The following PCDHA7 variants were observed in gnomAD, a reference collection of about 807,000 sequenced individuals.
The protein encoded by PCDHA7 is protocadherin alpha-7.
In PCDHA7, 37 loss-of-function variants were observed where a neutral mutation model predicts 57.2. The observed-to-expected ratio is 0.65, with a 90% confidence interval of 0.50 to 0.85. The LOEUF is 0.85. Ranked by LOEUF, PCDHA7 falls within the 40% of genes least tolerant of loss-of-function variation. The pLI is 0.00. For synonymous variants in PCDHA7, 553 were observed against 558.8 expected, an observed-to-expected ratio of 0.99 and a Z score of 0.15; for missense variants, 1,188 against 1,241.8, an observed-to-expected ratio of 0.96 and a Z score of 0.65.
Position 140,885,566 on chromosome 5 carries a change from G to A in PCDHA7, c.2355+48828G>A, listed in dbSNP as rs190303990. On this transcript the variant is annotated intron_variant, in intron 1 of 3. Transcript: ENST00000525929. The stretch of plus-strand genomic sequence containing the variant: ...TGGTGTTATTTCTACGAAATTGATT[G>A]TCAGATGTGGAATTGATGCATCAAA... Among the ~76,000 whole-genome samples, 467 of 152,160 alleles carry A rather than the reference G, an allele frequency of 3.1e-3. 3 individuals carry two copies. The highest frequency in any genetic ancestry group is 0.014 in the Middle Eastern group (4 of 294).
At chr5:140,875,842 A>G (rs782682417) in intron 1 of PCDHA7, 1 of 1,614,146 alleles carries the variant, frequency 6.2e-7, no homozygotes, top group Non-Finnish European at 8.5e-7. Context: ...CGTGGAGGTG[A>G]AGGACATTAA....
At chr5:140,880,214 A>C (rs2058267657) in intron 1 of PCDHA7, among the ~76,000 whole-genome samples, 1 of 152,224 alleles carries the variant, frequency 6.6e-6, no homozygotes, top group African/African-American at 2.4e-5. Flanking sequence ...TTCCACCAGA[A>C]GTAGAACATT....
chr5:140,900,063 G>A (rs1554188862), intron 1 of PCDHA7, among the ~76,000 whole-genome samples: 3 of 152,122 alleles, frequency 2.0e-5, no homozygotes, highest in African/African-American at 7.2e-5. Context: ...TTTAACCTCA[G>A]CCTCCAAAAG....
At chr5:140,928,074 C>T (rs781992001) in intron 1 of PCDHA7, 1 of 1,614,216 alleles carries the variant, frequency 6.2e-7, no homozygotes, top group Admixed American at 1.7e-5. Flanking sequence ...TTGACAACTA[C>T]TACAGCCTGC....
intron 1 of PCDHA7, among the ~76,000 whole-genome samples, chr5:140,925,505 C>A (rs528944783): frequency 6.6e-5 from 10 of 152,052 alleles, no homozygotes; most frequent in African/African-American, 2.2e-4. Flanking sequence ...CCAATATCCA[C>A]GCAAAAGACC....
Position 140,971,209 on chromosome 5 carries a change from C to A in PCDHA7, c.2356-7740C>A, listed in dbSNP as rs147218200. 2.2e-3 allele frequency among the ~76,000 whole-genome samples: 328 copies of A among 152,236 alleles called. 3 individuals are homozygous for A. Among genetic ancestry groups the A allele is most frequent in the African/African-American group, 7.7e-3 (319 of 41,534 alleles). Reference sequence around the variant, plus strand: ...AAGCTCAGAGGAAAGACACTGTTACCCTCCCTCTCCTGACTCAAAGCTTGG... The same window carrying A: ...AAGCTCAGAGGAAAGACACTGTTACACTCCCTCTCCTGACTCAAAGCTTGG... On this transcript the variant is annotated intron_variant, in intron 1 of 3. Coordinates refer to ENST00000525929, the MANE Select transcript of PCDHA7 (RefSeq NM_018910.3).
At chr5:140,889,267 A>C (rs1376262292) in intron 1 of PCDHA7, among the ~76,000 whole-genome samples, 1 of 151,966 alleles carries the variant, frequency 6.6e-6, no homozygotes. Context: ...AAGTTTGTAT[A>C]ATCTTTGAAT....
At chr5:140,915,626 G>GTC (rs57920489) in intron 1 of PCDHA7, among the ~76,000 whole-genome samples, 4,335 of 146,228 alleles carry the variant, frequency 0.03, 91 homozygotes, top group African/African-American at 0.067. Flanking sequence ...GTCTCTTTCT[G>GTC]TCTCTCTCTC....
At chr5:140,858,554 A>T in intron 1 of PCDHA7, 1 of 1,391,946 alleles carries the variant, frequency 7.2e-7, no homozygotes, top group Non-Finnish European at 9.9e-7. Flanking sequence ...TTTATGCTTG[A>T]ATATTTCTAG....
intron 1 of PCDHA7, among the ~76,000 whole-genome samples, chr5:140,932,462 A>G (rs549858141): frequency 6.6e-6 from 1 of 152,022 alleles, no homozygotes; most frequent in African/African-American, 2.4e-5. Flanking sequence ...GCCAGGGTAT[A>G]TAGGAAATAG....
intron 1 of PCDHA7, chr5:140,864,131 C>T (rs1191478097): frequency 2.0e-5 from 3 of 152,082 alleles, no homozygotes; most frequent in Non-Finnish European, 2.9e-5. Context: ...GACTGAGTGG[C>T]TGTTTCCTGT....
chr5:140,835,646 T>C lies in PCDHA7; in HGVS notation c.1263T>C (p.Tyr421=), dbSNP rs148944886. The C allele has an allele frequency of 8.1e-4, 1,314 of 1,613,744 alleles. 16 individuals are homozygous for C. In the African/African-American group the frequency reaches 0.014, roughly 17 times the overall value. Residue 421 remains tyrosine (Y), a synonymous_variant, in exon 1 of 4, where the codon TAT becomes TAC. Transcript: ENST00000525929. ...SALDRESVSA[Y]ELVVTARDGG... ...TGGACCGCGAGAGTGTGTCCGCCTA[T>C]GAGCTGGTGGTTACCGCGCGGGACG...
At chr5:140,879,235 A>T (rs904336289) in intron 1 of PCDHA7, among the ~76,000 whole-genome samples, 1 of 152,240 alleles carries the variant, frequency 6.6e-6, no homozygotes, top group Non-Finnish European at 1.5e-5. Context: ...CATATACAAG[A>T]GGCACTGGCA....
At position 140,951,544 on chromosome 5, in the gene PCDHA7, G is replaced by A. The variant is rs543008494; in HGVS notation, c.2356-27405G>A. On this transcript the variant is annotated intron_variant, in intron 1 of 3. Transcript: ENST00000525929. ...CATGGCCGGTGCAGGAGCAAGGGAC[G>A]GGGGGAAGTGCTACGCACTTTTAAA... Among the ~76,000 whole-genome samples the A allele has an allele frequency of 1.4e-3, 220 of 151,994 alleles. 1 individual carries two copies. The highest frequency in any genetic ancestry group is 4.9e-3 in the African/African-American group (204 of 41,462).
chr5:140,876,301 A>G (rs2056269338), intron 1 of PCDHA7: 2 of 1,614,076 alleles, frequency 1.2e-6, no homozygotes, highest in East Asian at 4.5e-5. Flanking sequence ...TAATGGAGAA[A>G]TTTCCTATGG....
rs1554148289 is a variant in PCDHA7, at chr5:140,856,164, G to A, written c.2355+19426G>A. 5.0e-6 allele frequency: 8 copies of A among 1,598,390 alleles called. 1 individual carries two copies. Among genetic ancestry groups the A allele is most frequent in the Non-Finnish European group, 6.8e-6 (8 of 1,167,930 alleles). On this transcript the variant is annotated intron_variant, in intron 1 of 3. Coordinates refer to ENST00000525929, the MANE Select transcript of PCDHA7 (RefSeq NM_018910.3). ...CACTACTCAGTCTACGAGGAGGCCA[G>A]ACACGGCACCTTCGTGGGCCGCATC...
At chr5:140,839,113 G>A (rs2150294815) in intron 1 of PCDHA7, among the ~76,000 whole-genome samples, 18 of 151,872 alleles carry the variant, frequency 1.2e-4, no homozygotes, top group African/African-American at 4.4e-4. Flanking sequence ...TTACCATTAA[G>A]CCATAATATG....
chr5:141,002,090 A>G (rs1554258504), intron 3 of PCDHA7, among the ~76,000 whole-genome samples: 1 of 152,254 alleles, frequency 6.6e-6, no homozygotes, highest in Non-Finnish European at 1.5e-5. Context: ...CGAGCAGTCC[A>G]GGGGCTGGGC....
At chr5:140,970,466 A>G (rs549761303) in intron 1 of PCDHA7, among the ~76,000 whole-genome samples, 51 of 152,334 alleles carry the variant, frequency 3.3e-4, no homozygotes, top group Non-Finnish European at 4.4e-4. Context: ...TTAAGTAGGT[A>G]TAAGGCCAGC....
Sources: allele counts gnomAD v4.1 joint callset (sites outside exome capture counted in the v4.1 genomes callset), GRCh38; gene constraint gnomAD v4.1.1; transcripts MANE v1.5; gene names NCBI Gene and HGNC (gene_info 2026-07-23, HGNC 2026-07-21).